SESN1: variants seen among roughly 807,000 people sequenced by gnomAD.
SESN1 encodes the protein sestrin 1.
In SESN1, 30 loss-of-function variants were observed where a neutral mutation model predicts 59.3. That is an observed-to-expected ratio of 0.51 (90% CI 0.38 to 0.69). SESN1 has a LOEUF of 0.69. Ranked by LOEUF, SESN1 falls within the 30% of genes least tolerant of loss-of-function variation. The probability of loss-of-function intolerance (pLI) is 0.00; values close to 1 mark genes in which losing one functional copy is unlikely to be tolerated. For synonymous variants in SESN1, 197 were observed against 219.9 expected, an observed-to-expected ratio of 0.90 and a Z score of 0.92; for missense variants, 566 against 673.0, an observed-to-expected ratio of 0.84 and a Z score of 1.76.
intron 1 of SESN1, among the ~76,000 whole-genome samples, chr6:109,018,202 G>T (rs926830851): frequency 1.3e-5 from 2 of 152,014 alleles, no homozygotes; most frequent in African/African-American, 2.4e-5. Flanking sequence ...TATTAGATTT[G>T]AACTTTGTTT....
At chr6:109,077,213 A>G (rs1483401644) in intron 1 of SESN1, among the ~76,000 whole-genome samples, 1 of 152,226 alleles carries the variant, frequency 6.6e-6, no homozygotes, top group African/African-American at 2.4e-5. Context: ...CCTACATTTC[A>G]CATACTTTTT....
chr6:108,988,543 C>T lies in SESN1; in HGVS notation c.1569G>A (p.Lys523=). The T allele has an allele frequency of 6.2e-7, 1 of 1,605,730 alleles. No homozygotes were observed. Among genetic ancestry groups the T allele is most frequent in the South Asian group, 1.1e-5 (1 of 89,142 alleles). The stretch of plus-strand genomic sequence containing the variant: ...TAAATAAGCCACAATAGGCACATAC[C>T]TTCTCAGAGTGCTTGAACTGCCTCC... ...SFWRQFKHSE[K]VHVNLLLIEA... The change falls in exon 9 of 10, where the codon AAG becomes AAA. Residue 523 remains lysine, a splice_region_variant and synonymous_variant. Coordinates refer to ENST00000436639, the MANE Select transcript of SESN1 (RefSeq NM_014454.3).
intron 1 of SESN1, among the ~76,000 whole-genome samples, chr6:109,033,568 A>C (rs2114399119): frequency 6.6e-6 from 1 of 152,326 alleles, no homozygotes; most frequent in Non-Finnish European, 1.5e-5. Flanking sequence ...AGCACAATTA[A>C]TTAGAATGAA....
chr6:109,048,291 G>T (rs1178295344), intron 1 of SESN1, among the ~76,000 whole-genome samples: 1 of 152,112 alleles, frequency 6.6e-6, no homozygotes, highest in East Asian at 1.9e-4. Flanking sequence ...AACCACAGGT[G>T]AATAGTTTGA....
At chr6:108,988,796 T>A in intron 8 of SESN1, 109 bp from the exon 9 acceptor site, 1 of 836,150 alleles carries the variant, frequency 1.2e-6, no homozygotes, top group Non-Finnish European at 1.7e-6. Context: ...TCTCTTTGTG[T>A]AGGCAGCTGT....
chr6:109,081,479 A>C (rs1208811458), intron 1 of SESN1, among the ~76,000 whole-genome samples: 1 of 152,204 alleles, frequency 6.6e-6, no homozygotes, highest in Admixed American at 6.5e-5. Flanking sequence ...ATGGGAATAA[A>C]AATATCTACT....
chr6:109,065,497 T>C (rs540855382), intron 1 of SESN1, among the ~76,000 whole-genome samples: 2 of 152,290 alleles, frequency 1.3e-5, no homozygotes, highest in South Asian at 4.1e-4. Flanking sequence ...CATTCCTTTC[T>C]ATTTGATCAT....
chr6:109,083,764 G>A (rs1033732020), intron 1 of SESN1, among the ~76,000 whole-genome samples: 12 of 151,968 alleles, frequency 7.9e-5, no homozygotes, highest in South Asian at 2.1e-4. Context: ...TATGTCCTTC[G>A]GTACCATTGA....
Position 109,002,261 on chromosome 6 carries a change from T to G in SESN1, c.345+17A>C. On this transcript the variant is annotated intron_variant, in intron 2 of 9. Coordinates refer to ENST00000436639, the MANE Select transcript of SESN1 (RefSeq NM_014454.3). ...TAAAAGCATACAGTTCACTATGTACTTTCACAAACAACGTACCTCCTTTTC... is the reference window on the plus strand; with the variant it reads ...TAAAAGCATACAGTTCACTATGTACGTTCACAAACAACGTACCTCCTTTTC... 1 of 1,610,604 alleles carries G rather than the reference T, an allele frequency of 6.2e-7. No individual in the cohort carries two copies. Among genetic ancestry groups the G allele is most frequent in the Non-Finnish European group, 8.5e-7 (1 of 1,176,932 alleles).
At chr6:109,009,413 C>T (rs1364487348) in intron 1 of SESN1, 1 of 1,456,532 alleles carries the variant, frequency 6.9e-7, no homozygotes, top group Non-Finnish European at 9.0e-7. Context: ...GCCCCGAGAC[C>T]GCCAAAGGGG....
chr6:109,012,711 T>G (rs771571459), intron 1 of SESN1, among the ~76,000 whole-genome samples: 40 of 152,048 alleles, frequency 2.6e-4, no homozygotes, highest in Non-Finnish European at 4.9e-4. Flanking sequence ...ATCTAGCATA[T>G]GCAGAGGCCC....
chr6:109,069,143 A>G (rs1780886196), intron 1 of SESN1, among the ~76,000 whole-genome samples: 1 of 152,180 alleles, frequency 6.6e-6, no homozygotes, highest in South Asian at 2.1e-4. Context: ...AGGTTGAGCA[A>G]AAGGAGAGAA....
intron 1 of SESN1, among the ~76,000 whole-genome samples, chr6:109,028,416 G>A (rs1184725477): frequency 6.6e-6 from 1 of 152,084 alleles, no homozygotes; most frequent in Non-Finnish European, 1.5e-5. Context: ...ATTTGTTGTT[G>A]TTGTTATCAC....
chr6:109,020,985 C>G (rs1780003270), intron 1 of SESN1, among the ~76,000 whole-genome samples: 1 of 152,158 alleles, frequency 6.6e-6, no homozygotes, highest in African/African-American at 2.4e-5. Flanking sequence ...CCTTCACCCA[C>G]CATTTTAGGA....
At chr6:109,000,712 A>C in intron 3 of SESN1, 39 bp from the exon 4 acceptor site, 1 of 1,414,690 alleles carries the variant, frequency 7.1e-7, no homozygotes, top group Non-Finnish European at 9.4e-7. Flanking sequence ...AAATATTAAA[A>C]CCTTGAACTA....
At chr6:109,050,323 G>A (rs929351471) in intron 1 of SESN1, among the ~76,000 whole-genome samples, 2 of 151,476 alleles carry the variant, frequency 1.3e-5, no homozygotes, top group Non-Finnish European at 2.9e-5. Flanking sequence ...AACATTCAGC[G>A]GCTAGAAGCA....
chr6:109,066,328 A>G (rs1189702095), intron 1 of SESN1, among the ~76,000 whole-genome samples: 1 of 147,754 alleles, frequency 6.8e-6, no homozygotes, highest in Non-Finnish European at 1.5e-5. Flanking sequence ...TTTTTTTTTT[A>G]AAGTCACTAT....
At chr6:108,991,080 AAC>A (rs1440964218) in intron 7 of SESN1, among the ~76,000 whole-genome samples, 1 of 149,474 alleles carries the variant, frequency 6.7e-6, no homozygotes, top group Non-Finnish European at 1.5e-5. Context: ...AAAAAACAAC[AAC>A]AAAAAAAAAC....
At chr6:109,009,735 C>T (rs1225705283) in intron 1 of SESN1, among the ~76,000 whole-genome samples, 1 of 152,076 alleles carries the variant, frequency 6.6e-6, no homozygotes, top group Non-Finnish European at 1.5e-5. Context: ...ACCTTGGGGG[C>T]CCAGGTTCCC....
Sources: gnomAD v4.1 joint callset for allele counts (sites outside exome capture counted in the v4.1 genomes callset) on GRCh38, gnomAD v4.1.1 for gene constraint, MANE v1.5 for transcripts, NCBI Gene and HGNC (gene_info 2026-07-23, HGNC 2026-07-21) for gene names.